The following ANK2 variants were observed in gnomAD, a reference collection of about 807,000 sequenced individuals.
ANK2 encodes ankyrin 2.
In ANK2, 83 loss-of-function variants were observed where a neutral mutation model predicts 360.5. That is an observed-to-expected ratio of 0.23 (90% CI 0.19 to 0.28). The LOEUF (loss-of-function observed/expected upper bound fraction) is 0.28. ANK2 is among the 10% of genes least tolerant of loss of function. The pLI, the probability that ANK2 is intolerant of heterozygous loss-of-function variation, is 1.00. For synonymous variants in ANK2, 1,740 were observed against 1,759.5 expected (o/e 0.99, Z 0.28); for missense variants, 4,201 against 4,795.7 (o/e 0.88, Z 3.66).
rs926482053 is a variant in ANK2, at chr4:112,883,868, A to ATGTATATATATGTATATATATG, written c.-39-20575_-39-20554dup. On this transcript the variant is annotated intron_variant, in intron 1 of 30. Coordinates refer to the ANK2 transcript ENST00000503271. ...AAAAATATCATTCATTCATATATAT[A>ATGTATATATATGTATATATATG]TGTATATATATGTATATATATGTGT... 1.3e-3 allele frequency among the ~76,000 whole-genome samples: 187 copies of ATGTATATATATGTATATATATG among 142,222 alleles called. 1 individual carries two copies. Among genetic ancestry groups the ATGTATATATATGTATATATATG allele is most frequent in the African/African-American group, 4.8e-3 (171 of 35,546 alleles). 93.3% of individuals were successfully genotyped at this position (142,222 alleles called of 152,430 possible). A position where few individuals can be genotyped will look rare whatever the true frequency, so the allele number is the denominator to read the frequency against.
chr4:113,284,592 G>A (rs1429033574), intron 18 of ANK2, among the ~76,000 whole-genome samples: 3 of 152,156 alleles, frequency 2.0e-5, no homozygotes, highest in African/African-American at 7.2e-5. Context: ...AAACATTTAA[G>A]GAGTATTTTT....
chr4:112,777,325 G>A, the ANK2 span, among the ~76,000 whole-genome samples: 22 of 150,592 alleles, frequency 1.5e-4, no homozygotes, highest in Non-Finnish European at 3.0e-4. Flanking sequence ...TGCAAGCTCC[G>A]CCTCCTGGAT....
At chr4:112,789,810 G>C in the ANK2 span, among the ~76,000 whole-genome samples, 1 of 152,190 alleles carries the variant, frequency 6.6e-6, no homozygotes, top group Non-Finnish European at 1.5e-5. Context: ...ACAAAAGGTG[G>C]AAGACTTGAA....
rs1057521529 is a variant in ANK2, at chr4:113,363,388, A to G, written c.10807A>G (p.Ile3603Val). The change falls in exon 40 of 46, where the codon ATT (isoleucine) becomes GTT (valine). Residue 3603 changes from isoleucine to valine, a missense_variant. Around this residue, in one of 4 missense-constraint regions of ANK2, gnomAD observed 2,642 missense variants for 2,714.5 expected, o/e 0.97. Transcript: ENST00000357077. ...TGAGGAGCAAATTCATCAAATTCGA[A>G]TTGAAAATCCCAACTCTCTTCAAGA... Reference protein sequence around the residue: ...FTEEQIHQIRIENPNSLQDQS... With the variant: ...FTEEQIHQIRVENPNSLQDQS... 23 of 1,613,406 alleles carry G rather than the reference A, an allele frequency of 1.4e-5. No homozygotes were observed. The highest frequency in any genetic ancestry group is 1.8e-5 in the Non-Finnish European group (21 of 1,179,684).
chr4:113,375,818 C>G (rs755633036), intron 45 of ANK2, among the ~76,000 whole-genome samples: 4 of 151,724 alleles, frequency 2.6e-5, no homozygotes, highest in Non-Finnish European at 4.4e-5. Flanking sequence ...AAAACCAAAA[C>G]AAATTTTGTA....
chr4:112,833,006 G>A (rs1459420762), intron 1 of ANK2, among the ~76,000 whole-genome samples: 1 of 152,202 alleles, frequency 6.6e-6, no homozygotes, highest in East Asian at 1.9e-4. Flanking sequence ...AAGTAGGTTG[G>A]AAGGACAGAA....
At chr4:112,914,837 A>G (rs977097611) in intron 2 of ANK2, among the ~76,000 whole-genome samples, 1 of 152,096 alleles carries the variant, frequency 6.6e-6, no homozygotes, top group African/African-American at 2.4e-5. Flanking sequence ...AGTTGAAATG[A>G]TTGTCAAAGG....
chr4:112,932,268 G>A (rs1205086581), intron 2 of ANK2, among the ~76,000 whole-genome samples: 2 of 152,020 alleles, frequency 1.3e-5, no homozygotes, highest in African/African-American at 4.8e-5. Flanking sequence ...GAGGTGGGCG[G>A]ATCACCTGAG....
intron 2 of ANK2, among the ~76,000 whole-genome samples, chr4:112,941,903 A>G (rs1232370123): frequency 1.3e-5 from 2 of 150,824 alleles, no homozygotes; most frequent in African/African-American, 2.4e-5. Context: ...AAAAGTTAAC[A>G]TAATAGGACC....
intron 2 of ANK2, among the ~76,000 whole-genome samples, chr4:113,186,138 C>T (rs1020075160): frequency 2.6e-5 from 4 of 152,184 alleles, no homozygotes; most frequent in Admixed American, 6.5e-5. Context: ...TGACAGACAC[C>T]TCATACAGGA....
Position 113,367,561 on chromosome 4 carries a change from T to G in ANK2, c.11033-5T>G, listed in dbSNP as rs1400264854. 2 of 1,613,770 alleles carry G rather than the reference T, an allele frequency of 1.2e-6. No homozygotes were observed. The highest frequency in any genetic ancestry group is 3.3e-5 in the Admixed American group (2 of 59,984). ...AACTAAATACTTAAATCATTCTGCC[T>G]TTAGGGTTCTCGGTACTTCAAGAGG... On this transcript the variant is annotated splice_polypyrimidine_tract_variant and splice_region_variant and intron_variant, in intron 41 of 45. Transcript: ENST00000357077.
At chr4:113,352,383 G>A (rs1017717273) in intron 37 of ANK2, among the ~76,000 whole-genome samples, 8 of 152,078 alleles carry the variant, frequency 5.3e-5, no homozygotes, top group Non-Finnish European at 5.9e-5. Context: ...ACCATGCCTC[G>A]TAGCACCAGA....
chr4:112,948,115 A>C (rs1390198456), intron 2 of ANK2, among the ~76,000 whole-genome samples: 1 of 152,210 alleles, frequency 6.6e-6, no homozygotes, highest in Non-Finnish European at 1.5e-5. Context: ...AGAGTAGGGA[A>C]AGATGGGAGA....
intron 2 of ANK2, among the ~76,000 whole-genome samples, chr4:112,950,603 C>G (rs1183595826): frequency 6.7e-6 from 1 of 149,230 alleles, no homozygotes; most frequent in Non-Finnish European, 1.5e-5. Context: ...GAGATCATGC[C>G]ACTGCACTCC....
intron 2 of ANK2, among the ~76,000 whole-genome samples, chr4:113,189,383 A>G (rs999818703): frequency 2.6e-5 from 4 of 152,218 alleles, no homozygotes; most frequent in Non-Finnish European, 5.9e-5. Context: ...ATCGGAAGTC[A>G]TTGTAATGCT....
chr4:113,061,352 C>T (rs969574336), intron 1 of ANK2, among the ~76,000 whole-genome samples: 2 of 152,088 alleles, frequency 1.3e-5, no homozygotes, highest in Admixed American at 6.6e-5. Flanking sequence ...CAGTGGGAGA[C>T]TAAAGCTCCT....
At chr4:113,038,228 A>G (rs958392186) in intron 2 of ANK2, among the ~76,000 whole-genome samples, 1 of 152,030 alleles carries the variant, frequency 6.6e-6, no homozygotes, top group African/African-American at 2.4e-5. Flanking sequence ...TTAATATGAA[A>G]GAATTCCGGT....
At chr4:112,982,640 A>C (rs6844883) in intron 2 of ANK2, among the ~76,000 whole-genome samples, 4,418 of 152,298 alleles carry the variant, frequency 0.029, 139 homozygotes, top group African/African-American at 0.079. Flanking sequence ...ACAAGAGATT[A>C]GAAGATTCAG....
chr4:113,301,783 T>C (rs2075156345), intron 22 of ANK2, among the ~76,000 whole-genome samples: 2 of 152,212 alleles, frequency 1.3e-5, no homozygotes. Flanking sequence ...CACTGGTATG[T>C]CTTGTGTCTA....
Sources: gnomAD v4.1 joint callset for allele counts (sites outside exome capture counted in the v4.1 genomes callset) on GRCh38, gnomAD v4.1.1 for gene constraint, gnomAD v4.1.1 regional missense constraint, MANE v1.5 for transcripts, NCBI Gene and HGNC (gene_info 2026-07-23, HGNC 2026-07-21) for gene names.